ARHGEF18: variants seen among roughly 807,000 people sequenced by gnomAD.
ARHGEF18 encodes rho guanine nucleotide exchange factor 18.
A neutral mutation model predicts 155.7 loss-of-function variants in ARHGEF18; 93 were observed. That is an observed-to-expected ratio of 0.60 (90% CI 0.50 to 0.71). The LOEUF (loss-of-function observed/expected upper bound fraction) is 0.71, where lower values mean the gene tolerates loss of function less well. Ranked by LOEUF, ARHGEF18 falls within the 30% of genes least tolerant of loss-of-function variation. The pLI is 0.00. For synonymous variants in ARHGEF18, 742 were observed against 753.1 expected (o/e 0.99, Z 0.24); for missense variants, 1,593 against 1,816.1 (o/e 0.88, Z 2.23).
the ARHGEF18 span, chr19:7,478,264 C>T: frequency 1.6e-5 from 26 of 1,586,284 alleles, 1 homozygote; most frequent in Middle Eastern, 6.4e-4. Flanking sequence ...CGGGATCCCA[C>T]GCCTGCTGGA....
At position 7,462,034 on chromosome 19, in the gene ARHGEF18, G is replaced by A; in HGVS notation, c.2453-118G>A. On this transcript the variant is annotated intron_variant, in intron 20 of 28. Transcript: ENST00000668164. The surrounding 1 kb of genome is among the most constrained non-coding windows in gnomAD (Gnocchi z 4.4). ...TCCCAGGAATGCAGGACACAAGGGG[G>A]CAGCCTACCTCAGGGCAGGGCCAGC... is the stretch of plus-strand genomic sequence containing the variant. The A allele has an allele frequency of 3.5e-6, 4 of 1,142,026 alleles. No homozygotes were observed. Among genetic ancestry groups the A allele is most frequent in the Admixed American group, 1.9e-5 (1 of 53,354 alleles). The allele number at this position is 1,142,026 out of a possible 1,614,324, so 70.7% of individuals were successfully genotyped here. A position where few individuals can be genotyped will look rare whatever the true frequency, so the allele number is the denominator to read the frequency against.
At chr19:7,477,822 G>A in the ARHGEF18 span, among the ~76,000 whole-genome samples, 316 of 152,340 alleles carry the variant, frequency 2.1e-3, 2 homozygotes, top group African/African-American at 7.4e-3. Context: ...GTGACGATAA[G>A]CCTGGCCAAT....
At chr19:7,401,543 C>T (rs1470795738) in intron 10 of ARHGEF18, among the ~76,000 whole-genome samples, 4 of 152,160 alleles carry the variant, frequency 2.6e-5, no homozygotes, top group African/African-American at 9.7e-5. Context: ...CCTGCCTTGG[C>T]TTCCCAAAGT....
At position 7,444,736 on chromosome 19, in the gene ARHGEF18, T is replaced by C. The variant is rs553081769; in HGVS notation, c.1611+282T>C. Among the ~76,000 whole-genome samples, 17 of 152,128 alleles carry C rather than the reference T, an allele frequency of 1.1e-4. No individual in the cohort carries two copies. Among genetic ancestry groups the C allele is most frequent in the Admixed American group, 1.3e-4 (2 of 15,258 alleles). On this transcript the variant is annotated intron_variant, in intron 14 of 28. Transcript: ENST00000668164. This position sits in a 1 kb window ranked among gnomAD's most constrained non-coding sequence, Gnocchi z 4.7. ...ATGGCCCAGGCTGGTCTTGAACTCC[T>C]GAGCTCAAGTGATCCTCCTGCCTCA... is the stretch of plus-strand genomic sequence containing the variant.
chr19:7,410,553 A>C (rs1972613914), intron 10 of ARHGEF18, among the ~76,000 whole-genome samples: 1 of 151,966 alleles, frequency 6.6e-6, no homozygotes, highest in Non-Finnish European at 1.5e-5. Context: ...TCGCGCCTGT[A>C]AATCCCAGCA....
chr19:7,464,301 G>A (rs1976481289), intron 22 of ARHGEF18, among the ~76,000 whole-genome samples: 1 of 152,206 alleles, frequency 6.6e-6, no homozygotes, highest in Non-Finnish European at 1.5e-5. Flanking sequence ...GCCTCCCAAA[G>A]TGCTGAGATT....
At chr19:7,433,434 G>C (rs906435893) in intron 10 of ARHGEF18, among the ~76,000 whole-genome samples, 37 of 149,976 alleles carry the variant, frequency 2.5e-4, no homozygotes, top group African/African-American at 8.8e-4. Flanking sequence ...CCACTGCAGG[G>C]AGGCGGAGGT....
chr19:7,456,177 G>A (rs1019913776), intron 17 of ARHGEF18, 150 bp from the exon 18 acceptor site: 2 of 729,836 alleles, frequency 2.7e-6, no homozygotes, highest in Non-Finnish European at 4.9e-6. Context: ...GTGATGGGGG[G>A]TGCAGGCAAG....
At chr19:7,435,107 C>T (rs891715191) in intron 10 of ARHGEF18, among the ~76,000 whole-genome samples, 37 of 151,988 alleles carry the variant, frequency 2.4e-4, no homozygotes, top group African/African-American at 8.9e-4. Context: ...GAGGCTGAGG[C>T]AGAATGACTT....
intron 10 of ARHGEF18, among the ~76,000 whole-genome samples, chr19:7,422,598 C>T (rs573258594): frequency 6.6e-5 from 10 of 152,146 alleles, no homozygotes; most frequent in East Asian, 1.9e-4. Flanking sequence ...CCACTATTGG[C>T]GATCCCATCA....
chr19:7,460,147 G>A (rs975666392), intron 20 of ARHGEF18, among the ~76,000 whole-genome samples, 153 bp downstream of exon 20: 8 of 152,138 alleles, frequency 5.3e-5, no homozygotes, highest in Non-Finnish European at 1.2e-4. Flanking sequence ...GCATTAGAAC[G>A]GGCTGTGCCA....
Position 7,367,883 on chromosome 19 carries a change from T to TATACACATATATA in ARHGEF18, c.16-4929_16-4928insATACACATATATA, listed in dbSNP as rs1371103675. ...ACATATATATTTTTATATATATATATTTTATATATATTTTTTATATATATA... is the reference window on the plus strand; with the variant it reads ...ACATATATATTTTTATATATATATATATACACATATATATTTATATATATTTTTTATATATATA... On this transcript the variant is annotated intron_variant, in intron 2 of 28. Coordinates refer to ENST00000668164, the MANE Select transcript of ARHGEF18 (RefSeq NM_001367823.1). Among the ~76,000 whole-genome samples, 140 of 16,762 alleles carry TATACACATATATA rather than the reference T, an allele frequency of 8.4e-3. 27 individuals carry two copies. The highest frequency in any genetic ancestry group is 0.031 in the Middle Eastern group (1 of 32). 11.0% of individuals were successfully genotyped at this position (16,762 alleles called of 152,430 possible).
At chr19:7,479,918 G>C in the ARHGEF18 span, among the ~76,000 whole-genome samples, 1 of 152,160 alleles carries the variant, frequency 6.6e-6, no homozygotes, top group African/African-American at 2.4e-5. Context: ...GTATATGGGA[G>C]CTCTCTGAAC....
intron 11 of ARHGEF18, among the ~76,000 whole-genome samples, chr19:7,441,276 T>A (rs925255336): frequency 3.4e-5 from 5 of 148,266 alleles, no homozygotes; most frequent in Non-Finnish European, 5.9e-5. Flanking sequence ...ACCTCCCAGA[T>A]TCAAGTGATT....
chr19:7,470,315 G>T lies in ARHGEF18; in HGVS notation c.*17G>T. Reference sequence around the variant, plus strand: ...TTCTTCTAAAAGGGCCGTGACTCAAGGTGCAAGGCCCCTCCCTGCCCTGCC... The same window carrying T: ...TTCTTCTAAAAGGGCCGTGACTCAATGTGCAAGGCCCCTCCCTGCCCTGCC... On this transcript the variant is annotated 3_prime_UTR_variant, in exon 29 of 29. Transcript: ENST00000668164. This position sits in a 1 kb window ranked among gnomAD's most constrained non-coding sequence, Gnocchi z 5.9. 1 of 1,491,792 alleles carries T rather than the reference G, an allele frequency of 6.7e-7. No homozygotes were observed. 92.4% of individuals were successfully genotyped at this position (1,491,792 alleles called of 1,614,324 possible). A position where few individuals can be genotyped will look rare whatever the true frequency, so the allele number is the denominator to read the frequency against.
chr19:7,379,996 C>T (rs1244959468), intron 7 of ARHGEF18, among the ~76,000 whole-genome samples: 1 of 133,856 alleles, frequency 7.5e-6, no homozygotes, highest in African/African-American at 3.3e-5. Context: ...GAGACTCTGT[C>T]TGTATAATTT....
intron 10 of ARHGEF18, among the ~76,000 whole-genome samples, chr19:7,425,871 G>A (rs564202410): frequency 1.3e-5 from 2 of 152,086 alleles, no homozygotes; most frequent in Admixed American, 1.3e-4. Context: ...ATATTGGTGT[G>A]TGCCCGTAGT....
the ARHGEF18 span, among the ~76,000 whole-genome samples, chr19:7,477,996 T>G: frequency 2.6e-5 from 4 of 152,212 alleles, no homozygotes; most frequent in Non-Finnish European, 4.4e-5. Flanking sequence ...TGCTCCAGCC[T>G]GGGCAACAGA....
intron 10 of ARHGEF18, among the ~76,000 whole-genome samples, chr19:7,404,301 TAGATGCTCG>T (rs1568302725): frequency 6.6e-6 from 1 of 152,184 alleles, no homozygotes; most frequent in South Asian, 2.1e-4. Context: ...GGGAGCCAGT[TAGATGCTCG>T]AGGGGCTTCT....
Sources: gnomAD v4.1 joint callset for allele counts (sites outside exome capture counted in the v4.1 genomes callset) on GRCh38, gnomAD v4.1.1 for gene constraint, Gnocchi (gnomAD v3.1) non-coding constraint, MANE v1.5 for transcripts, NCBI Gene and HGNC (gene_info 2026-07-23, HGNC 2026-07-21) for gene names.